Variants in SYN3 observed in about 807,000 individuals in gnomAD.
The protein encoded by SYN3 is synapsin-3.
SYN3 carries 35 observed loss-of-function variants against 65.8 expected under a neutral mutation model. The ratio of observed to expected loss-of-function variants is 0.53; its 90% CI spans 0.41 to 0.70. SYN3 has a LOEUF of 0.70. SYN3 is among the 30% of genes least tolerant of loss of function. SYN3 has a pLI of 0.00. For synonymous variants in SYN3, 270 were observed against 292.9 expected (o/e 0.92, Z 0.80); for missense variants, 680 against 749.0 (o/e 0.91, Z 1.08).
intron 3 of SYN3, among the ~76,000 whole-genome samples, chr22:32,948,663 C>T (rs994357399): frequency 2.6e-5 from 4 of 151,816 alleles, no homozygotes; most frequent in Admixed American, 1.3e-4. Context: ...CGTGAACCTG[C>T]GAGGCGGAGC....
chr22:32,947,285 A>T (rs547879322), intron 3 of SYN3, among the ~76,000 whole-genome samples: 1 of 152,226 alleles, frequency 6.6e-6, no homozygotes, highest in Non-Finnish European at 1.5e-5. Context: ...CATCAAAGAA[A>T]TCATCTATTA....
chr22:32,546,530 G>C (rs2146271621), intron 7 of SYN3, among the ~76,000 whole-genome samples: 1 of 152,226 alleles, frequency 6.6e-6, no homozygotes, highest in Non-Finnish European at 1.5e-5. Context: ...AGGGGAGGTG[G>C]TCTGGAGCCT....
intron 6 of SYN3, among the ~76,000 whole-genome samples, chr22:32,625,849 A>G (rs569137220): frequency 6.6e-6 from 1 of 152,344 alleles, no homozygotes; most frequent in African/African-American, 2.4e-5. Flanking sequence ...AGCAAGACAC[A>G]TTTTTGGATG....
At chr22:32,696,698 T>C (rs985240888) in intron 6 of SYN3, among the ~76,000 whole-genome samples, 1 of 152,194 alleles carries the variant, frequency 6.6e-6, no homozygotes, top group Non-Finnish European at 1.5e-5. Context: ...TGCATTCCTG[T>C]CCTGAGTGGG....
chr22:32,618,677 G>A (rs931687753), intron 6 of SYN3, among the ~76,000 whole-genome samples: 1 of 152,138 alleles, frequency 6.6e-6, no homozygotes, highest in Non-Finnish European at 1.5e-5. Context: ...TCACTAACCA[G>A]ACAATCTCAG....
intron 6 of SYN3, among the ~76,000 whole-genome samples, chr22:32,683,209 G>A (rs1036749090): frequency 6.6e-5 from 10 of 152,118 alleles, no homozygotes. Flanking sequence ...TCAATGGTGT[G>A]GTCCTGCTCT....
At chr22:32,615,505 A>G (rs1379837671) in intron 6 of SYN3, among the ~76,000 whole-genome samples, 1 of 150,712 alleles carries the variant, frequency 6.6e-6, no homozygotes, top group Non-Finnish European at 1.5e-5. Context: ...AGGGAACAAC[A>G]GGGGCACAGG....
At chr22:33,018,947 C>A (rs1211223813) in intron 1 of SYN3, among the ~76,000 whole-genome samples, 1 of 152,082 alleles carries the variant, frequency 6.6e-6, no homozygotes, top group Non-Finnish European at 1.5e-5. Flanking sequence ...CAGCATCATC[C>A]CCTCCTCTCC....
At chr22:32,773,085 A>T (rs903798858) in intron 6 of SYN3, among the ~76,000 whole-genome samples, 3 of 152,188 alleles carry the variant, frequency 2.0e-5, no homozygotes, top group Admixed American at 6.5e-5. Context: ...TTGTGTCCCA[A>T]TACAACTGGG....
At chr22:32,548,267 A>G (rs1433631495) in intron 7 of SYN3, among the ~76,000 whole-genome samples, 1 of 152,176 alleles carries the variant, frequency 6.6e-6, no homozygotes, top group Non-Finnish European at 1.5e-5. Flanking sequence ...GTTGGCCAGG[A>G]CGGTCTTGAA....
At position 32,662,242 on chromosome 22, in the gene SYN3, G is replaced by A. The variant is rs2060226750; in HGVS notation, c.712-65506C>T. The stretch of plus-strand genomic sequence containing the variant: ...TTTTCTCCTCCCTTGGCTCTCAGAT[G>A]CCTTAGTTCTATAGGGCTGTCTTAT... On this transcript the variant is annotated intron_variant, in intron 6 of 13. Transcript: ENST00000358763. Among the ~76,000 whole-genome samples, 4 of 146,792 alleles carry A rather than the reference G, an allele frequency of 2.7e-5. No homozygotes were observed. The South Asian group carries it at 6.3e-4, about 23-fold the overall frequency.
chr22:33,053,226 C>T (rs2054200393), intron 1 of SYN3, among the ~76,000 whole-genome samples: 2 of 152,132 alleles, frequency 1.3e-5, no homozygotes, highest in African/African-American at 4.8e-5. Flanking sequence ...AGTTCGAGAC[C>T]AGCCTGACCA....
At chr22:32,775,810 G>C (rs962211578) in intron 6 of SYN3, among the ~76,000 whole-genome samples, 2 of 152,194 alleles carry the variant, frequency 1.3e-5, no homozygotes, top group African/African-American at 4.8e-5. Flanking sequence ...TACCTACTAA[G>C]GGCTTAGTAT....
chr22:32,651,420 G>A (rs903526274), intron 6 of SYN3, among the ~76,000 whole-genome samples: 2 of 152,072 alleles, frequency 1.3e-5, no homozygotes, highest in African/African-American at 4.8e-5. Context: ...CTCTGGGTAG[G>A]GTTGTTATTT....
chr22:32,568,153 A>C (rs9621497), intron 7 of SYN3, among the ~76,000 whole-genome samples: 3,365 of 152,246 alleles, frequency 0.022, 116 homozygotes, highest in African/African-American at 0.076. Flanking sequence ...TGCCTCTGGG[A>C]GGTCCTGAAT....
At chr22:32,521,913 T>C (rs982823193) in intron 12 of SYN3, among the ~76,000 whole-genome samples, 12 of 152,234 alleles carry the variant, frequency 7.9e-5, no homozygotes, top group African/African-American at 2.7e-4. Flanking sequence ...CAGTAACTCT[T>C]TGTTGAGTCC....
chr22:32,851,813 G>C (rs1315274203), intron 6 of SYN3, among the ~76,000 whole-genome samples: 1 of 152,060 alleles, frequency 6.6e-6, no homozygotes, highest in Non-Finnish European at 1.5e-5. Flanking sequence ...TCCATAGAGG[G>C]TATCATGATC....
chr22:32,600,743 A>G (rs905815734), intron 6 of SYN3, among the ~76,000 whole-genome samples: 1 of 151,918 alleles, frequency 6.6e-6, no homozygotes, highest in Non-Finnish European at 1.5e-5. Flanking sequence ...GCTGGAGTGC[A>G]GTGGCACAAT....
intron 6 of SYN3, among the ~76,000 whole-genome samples, chr22:32,808,067 T>A (rs1201468775): frequency 6.6e-6 from 1 of 152,238 alleles, no homozygotes; most frequent in East Asian, 1.9e-4. Flanking sequence ...AGAGGAAGGC[T>A]GCAATGCCAG....
Sources: allele counts gnomAD v4.1 joint callset (sites outside exome capture counted in the v4.1 genomes callset), GRCh38; gene constraint gnomAD v4.1.1; transcripts MANE v1.5; gene names NCBI Gene and HGNC (gene_info 2026-07-23, HGNC 2026-07-21).